Variants in IKZF3 observed in about 807,000 individuals in gnomAD.
IKZF3 encodes the protein IKAROS family zinc finger 3.
IKZF3 carries 10 observed loss-of-function variants against 49.0 expected under a neutral mutation model. The ratio of observed to expected loss-of-function variants is 0.20; its 90% confidence interval spans 0.13 to 0.35. The LOEUF (loss-of-function observed/expected upper bound fraction) is 0.35, where lower values mean the gene tolerates loss of function less well. Ranked by LOEUF, IKZF3 falls within the 10% of genes least tolerant of loss-of-function variation. The probability of loss-of-function intolerance (pLI) is 1.00; values close to 1 mark genes in which losing one functional copy is unlikely to be tolerated. For synonymous variants in IKZF3, 209 were observed against 228.2 expected, an observed-to-expected ratio of 0.92 and a Z score of 0.76; for missense variants, 498 against 664.8, an observed-to-expected ratio of 0.75 and a Z score of 2.76.
At chr17:39,829,818 G>A (rs571208135) in intron 2 of IKZF3, among the ~76,000 whole-genome samples, 10 of 152,164 alleles carry the variant, frequency 6.6e-5, no homozygotes, top group African/African-American at 1.7e-4. Context: ...TGGGCATGGC[G>A]GTGCATGCCT....
At chr17:39,819,212 T>C (rs1473063248) in intron 3 of IKZF3, among the ~76,000 whole-genome samples, 1 of 152,176 alleles carries the variant, frequency 6.6e-6, no homozygotes, top group Non-Finnish European at 1.5e-5. Flanking sequence ...CCACAAACTA[T>C]CTGAAAATAT....
intron 3 of IKZF3, among the ~76,000 whole-genome samples, chr17:39,820,421 G>A (rs570942877): frequency 1.3e-5 from 2 of 152,332 alleles, no homozygotes; most frequent in South Asian, 4.1e-4. Flanking sequence ...TAAGTACTCT[G>A]TAATGCTATT....
chr17:39,854,888 T>C (rs2062993543), intron 1 of IKZF3, among the ~76,000 whole-genome samples: 1 of 152,178 alleles, frequency 6.6e-6, no homozygotes, highest in Non-Finnish European at 1.5e-5. Flanking sequence ...TGAAGCTGTG[T>C]TGTGGAGTAT....
At chr17:39,856,668 TG>T (rs1339891132) in intron 1 of IKZF3, among the ~76,000 whole-genome samples, 1 of 151,706 alleles carries the variant, frequency 6.6e-6, no homozygotes, top group Non-Finnish European at 1.5e-5. Flanking sequence ...TAGCCGGGCG[TG>T]GTAGCGGGAG....
chr17:39,851,722 G>A (rs1186821820), intron 1 of IKZF3, among the ~76,000 whole-genome samples: 2 of 152,230 alleles, frequency 1.3e-5, no homozygotes, highest in East Asian at 3.9e-4. Context: ...TCCATATATT[G>A]ATCTGGAAGG....
intron 3 of IKZF3, among the ~76,000 whole-genome samples, chr17:39,799,850 G>C (rs184673225): frequency 6.6e-6 from 1 of 152,046 alleles, no homozygotes; most frequent in Non-Finnish European, 1.5e-5. Flanking sequence ...AAAAAATTAT[G>C]TTTCTTTGTT....
chr17:39,766,343 G>A lies in IKZF3; in HGVS notation c.977C>T (p.Thr326Ile), dbSNP rs1253657556. ...GAEALRPLVQ[T>I]PPAPTSEMVP... ...CATCTCCGAGGTGGGAGCAGGCGGT[G>A]TCTGGACCAAGGGGCGCAGGGCTTC... Residue 326 changes from threonine (T) to isoleucine (I), a missense_variant, in exon 8 of 8, where the codon ACA becomes ATA. By Grantham distance (89) the Thr-to-Ile change is moderately conservative. Transcript: ENST00000346872. 2.5e-6 allele frequency: 4 copies of A among 1,614,104 alleles called. No individual in the cohort carries two copies. The African/African-American group carries it at 4.0e-5, about 16-fold the overall frequency.
At position 39,766,401 on chromosome 17, in the gene IKZF3, C is replaced by G. The variant is rs1210013360; in HGVS notation, c.919G>C (p.Ala307Pro). Reference protein sequence around the residue: ...ELIQTRMMDQAINNAISYLGA... With the variant: ...ELIQTRMMDQPINNAISYLGA... ...AGATAGCTGATGGCGTTATTGATGGCTTGGTCCATCATGCGGGTCTGTATG... is the reference window on the plus strand; with the variant it reads ...AGATAGCTGATGGCGTTATTGATGGGTTGGTCCATCATGCGGGTCTGTATG... Residue 307 changes from alanine (A) to proline (P), a missense_variant, in exon 8 of 8, where the codon GCC (alanine) becomes CCC (proline). Transcript: ENST00000346872. The G allele has an allele frequency of 2.5e-6, 4 of 1,614,030 alleles. No homozygotes were observed. In the African/African-American group the frequency reaches 5.3e-5, roughly 22 times the overall value.
At position 39,758,380 on chromosome 17, in the gene IKZF3, A is replaced by G. The variant is rs986929948; in HGVS notation, c.*7410T>C. On this transcript the variant is annotated 3_prime_UTR_variant, in exon 8 of 8. Coordinates refer to ENST00000346872, the MANE Select transcript of IKZF3 (RefSeq NM_012481.5). ...TGCTAGCCTGGAGTATACATGAGTC[A>G]CTGGCGGTGGGATCAGTCATTTTTT... is the stretch of plus-strand genomic sequence containing the variant. 4 of 152,196 alleles carry G rather than the reference A, an allele frequency of 2.6e-5. No homozygotes were observed. The highest frequency in any genetic ancestry group is 7.2e-5 in the African/African-American group (3 of 41,444). 9.4% of individuals were successfully genotyped at this position (152,196 alleles called of 1,614,324 possible).
Position 39,766,472 on chromosome 17 carries a change from T to C in IKZF3, c.848A>G (p.Asp283Gly), listed in dbSNP as rs370024821. Residue 283 changes from aspartate (D) to glycine (G), a missense_variant, in exon 8 of 8, where the codon GAT (aspartate) becomes GGT (glycine). Asp to Gly is a moderately conservative substitution (Grantham distance 94). This residue lies in a region of IKZF3 where 317 missense variants were observed against 397.3 expected (regional missense o/e 0.80). Coordinates refer to ENST00000346872, the MANE Select transcript of IKZF3 (RefSeq NM_012481.5). ...KFIGEKRHCF[D>G]VNYNSSYMYE... is the part of the protein sequence containing the mutation. ...CATGTAACTTGAATTATAGTTGACA[T>C]CAAAGCAGTGGCGCTTCTCACCTGG... The C allele has an allele frequency of 1.2e-6, 2 of 1,611,232 alleles. No individual in the cohort carries two copies. The highest frequency in any genetic ancestry group is 1.7e-6 in the Non-Finnish European group (2 of 1,178,880).
intron 3 of IKZF3, among the ~76,000 whole-genome samples, chr17:39,796,533 C>T (rs1312873814): frequency 6.7e-6 from 1 of 150,124 alleles, no homozygotes; most frequent in African/African-American, 2.5e-5. Context: ...CCTCTCTCAA[C>T]ATTCCTTTCT....
intron 1 of IKZF3, among the ~76,000 whole-genome samples, chr17:39,852,696 C>T (rs569596243): frequency 6.6e-5 from 10 of 152,170 alleles, no homozygotes; most frequent in East Asian, 1.9e-4. Flanking sequence ...ACTGGCTGGG[C>T]GCAGTGGCTC....
intron 3 of IKZF3, among the ~76,000 whole-genome samples, chr17:39,822,354 T>C (rs990525063): frequency 2.6e-5 from 4 of 152,054 alleles, no homozygotes; most frequent in African/African-American, 9.7e-5. Context: ...ATGGAGGTGG[T>C]TTCCCCCATG....
intron 6 of IKZF3, 24 bp from the exon 7 acceptor site, chr17:39,777,791 AAG>A: frequency 6.2e-7 from 1 of 1,603,394 alleles, no homozygotes; most frequent in Non-Finnish European, 8.5e-7. Flanking sequence ...ATGTAAAAAG[AAG>A]AGAGAAAAGA....
chr17:39,841,729 T>C lies in IKZF3; in HGVS notation c.8-9578A>G, dbSNP rs535638585. Among the ~76,000 whole-genome samples the C allele has an allele frequency of 3.2e-4, 49 of 152,230 alleles. 1 individual carries two copies. In the South Asian group the frequency reaches 9.3e-3, roughly 29 times the overall value. On this transcript the variant is annotated intron_variant, in intron 1 of 7. Transcript: ENST00000346872. ...TGTATTGGAAGTGGATGTACTGGCA[T>C]GAACTCATGGCTTCTACTATATATA...
chr17:39,777,980 T>G (rs2060633331), intron 6 of IKZF3: 2 of 1,231,102 alleles, frequency 1.6e-6, no homozygotes, highest in African/African-American at 3.1e-5. Context: ...TATGCCGAGA[T>G]GGGAAAGCTC....
rs373074859 is a variant in IKZF3 at position 39,804,129 on chromosome 17, C to G, written c.164-11196G>C. 1.1e-4 allele frequency among the ~76,000 whole-genome samples: 17 copies of G among 152,188 alleles called. No individual in the cohort carries two copies. The East Asian group carries it at 1.9e-3, about 17-fold the overall frequency. ...TTGTGTCCCCAGAACCTAACAAGGG[C>G]CTCGTTACTTTAGAAATTGAATGAA... On this transcript the variant is annotated intron_variant, in intron 3 of 7. Coordinates refer to ENST00000346872, the MANE Select transcript of IKZF3 (RefSeq NM_012481.5).
intron 6 of IKZF3, among the ~76,000 whole-genome samples, chr17:39,780,647 T>A (rs974723266): frequency 1.3e-5 from 2 of 151,980 alleles, no homozygotes; most frequent in Non-Finnish European, 2.9e-5. Context: ...CATGAGCCAC[T>A]GCACTCAGCC....
Position 39,765,707 on chromosome 17 carries a change from T to G in IKZF3, c.*83A>C. Reference sequence around the variant, plus strand: ...GAAAAGAAGTTTGGAACTGAGTATGTTTTGAGAGCAATCTGTTAGGCGAGG... The same window carrying G: ...GAAAAGAAGTTTGGAACTGAGTATGGTTTGAGAGCAATCTGTTAGGCGAGG... On this transcript the variant is annotated 3_prime_UTR_variant, in exon 8 of 8. Coordinates refer to ENST00000346872, the MANE Select transcript of IKZF3 (RefSeq NM_012481.5). 9.3e-7 allele frequency: 1 copy of G among 1,075,010 alleles called. No individual in the cohort carries two copies. The highest frequency in any genetic ancestry group is 1.4e-6 in the Non-Finnish European group (1 of 732,878). The allele number at this position is 1,075,010 out of a possible 1,614,324, so 66.6% of individuals were successfully genotyped here. A position where few individuals can be genotyped will look rare whatever the true frequency, so the allele number is the denominator to read the frequency against.
Sources: gnomAD v4.1 joint callset for allele counts (sites outside exome capture counted in the v4.1 genomes callset) on GRCh38, gnomAD v4.1.1 for gene constraint, gnomAD v4.1.1 regional missense constraint, MANE v1.5 for transcripts, NCBI Gene and HGNC (gene_info 2026-07-23, HGNC 2026-07-21) for gene names.